The following CR1L variants were observed in gnomAD, a reference collection of about 807,000 sequenced individuals.
CR1L encodes complement C3b/C4b receptor 1 like, also known as complement component receptor 1-like protein.
CR1L carries 59 observed loss-of-function variants against 62.3 expected under a neutral mutation model. The observed-to-expected ratio is 0.95, with a 90% CI of 0.77 to 1.18. The LOEUF (loss-of-function observed/expected upper bound fraction) is 1.18, where lower values mean the gene tolerates loss of function less well. Ranked by LOEUF, CR1L falls within the 50% of genes most tolerant of loss-of-function variation. CR1L has a pLI of 0.00. For missense variants in CR1L, 700 were observed against 702.8 expected, an observed-to-expected ratio of 1.00 and a Z score of 0.04; for synonymous variants, 279 against 248.7, an observed-to-expected ratio of 1.12 and a Z score of -1.15.
intron 11 of CR1L, among the ~76,000 whole-genome samples, chr1:207,721,269 G>C (rs1052932421): frequency 3.3e-5 from 5 of 151,746 alleles, no homozygotes; most frequent in African/African-American, 1.2e-4. Context: ...GTATACATGT[G>C]CCATGCTGGT....
At chr1:207,683,023 T>TTTCTCTTTCTTTCC (rs1663828763) in intron 3 of CR1L, among the ~76,000 whole-genome samples, 1 of 121,386 alleles carries the variant, frequency 8.2e-6, no homozygotes, top group Non-Finnish European at 1.9e-5. Flanking sequence ...TCTTTCTTTC[T>TTTCTCTTTCTTTCC]TTCCTTCCTT....
At chr1:207,698,801 A>T (rs371614060) in intron 7 of CR1L, among the ~76,000 whole-genome samples, 4 of 152,186 alleles carry the variant, frequency 2.6e-5, no homozygotes, top group South Asian at 2.1e-4. Flanking sequence ...TTCCCACTTT[A>T]CCACTCCAAA....
intron 1 of CR1L, among the ~76,000 whole-genome samples, chr1:207,657,601 A>T (rs1173333147): frequency 6.6e-6 from 1 of 152,216 alleles, no homozygotes; most frequent in Non-Finnish European, 1.5e-5. Context: ...AAAAATAATA[A>T]ATCAACAAAC....
chr1:207,675,332 G>A (rs1663674158), intron 1 of CR1L, among the ~76,000 whole-genome samples: 1 of 152,188 alleles, frequency 6.6e-6, no homozygotes, highest in African/African-American at 2.4e-5. Context: ...GTCAGGGAAG[G>A]CATCAGACTA....
intron 1 of CR1L, among the ~76,000 whole-genome samples, chr1:207,657,613 C>T (rs1426458799): frequency 1.3e-5 from 2 of 152,106 alleles, no homozygotes; most frequent in Admixed American, 6.6e-5. Flanking sequence ...TCAACAAACA[C>T]TGGCTTAAAA....
At chr1:207,707,734 A>G (rs1664289631) in intron 9 of CR1L, among the ~76,000 whole-genome samples, 1 of 151,832 alleles carries the variant, frequency 6.6e-6, no homozygotes, top group Non-Finnish European at 1.5e-5. Flanking sequence ...GATCAAAAGC[A>G]ACAAATCTTG....
At chr1:207,674,347 A>G (rs562082307) in intron 1 of CR1L, among the ~76,000 whole-genome samples, 1 of 152,312 alleles carries the variant, frequency 6.6e-6, no homozygotes, top group African/African-American at 2.4e-5. Flanking sequence ...ATTTTATGTA[A>G]TACATCTTAA....
intron 9 of CR1L, among the ~76,000 whole-genome samples, chr1:207,703,349 T>C (rs1664221266): frequency 6.6e-6 from 1 of 152,210 alleles, no homozygotes; most frequent in Admixed American, 6.5e-5. Context: ...TCACTGACCA[T>C]TCTAAAAGCC....
chr1:207,665,013 C>T (rs931435832), intron 1 of CR1L, among the ~76,000 whole-genome samples: 1 of 152,172 alleles, frequency 6.6e-6, no homozygotes, highest in East Asian at 1.9e-4. Flanking sequence ...TACTTGTTAT[C>T]TTCTAGGATT....
intron 4 of CR1L, among the ~76,000 whole-genome samples, chr1:207,688,741 T>C (rs1663950893): frequency 1.3e-5 from 2 of 152,196 alleles, no homozygotes; most frequent in Admixed American, 6.5e-5. Flanking sequence ...AAGTCTTCTT[T>C]AATTTCTTTT....
chr1:207,719,050 T>C (rs938677634), intron 11 of CR1L, among the ~76,000 whole-genome samples: 4 of 137,596 alleles, frequency 2.9e-5, no homozygotes, highest in Non-Finnish European at 3.1e-5. Context: ...TAGGTGGGAA[T>C]TGAACAATGA....
intron 1 of CR1L, among the ~76,000 whole-genome samples, chr1:207,666,753 T>C (rs1032755592): frequency 3.3e-5 from 5 of 152,158 alleles, no homozygotes; most frequent in African/African-American, 1.2e-4. Context: ...CTAATGGTAC[T>C]AGGCTTAATA....
At chr1:207,712,667 C>G (rs1261144988) in intron 10 of CR1L, among the ~76,000 whole-genome samples, 1 of 152,204 alleles carries the variant, frequency 6.6e-6, no homozygotes, top group East Asian at 1.9e-4. Flanking sequence ...CTGCATGCCC[C>G]AGGGAGACTG....
chr1:207,691,529 C>G (rs1394444657), intron 4 of CR1L, among the ~76,000 whole-genome samples: 5 of 151,972 alleles, frequency 3.3e-5, no homozygotes, highest in African/African-American at 4.8e-5. Flanking sequence ...ACTGATAAGT[C>G]TAACTCTTGG....
At chr1:207,676,415 C>T (rs1663694073) in intron 1 of CR1L, among the ~76,000 whole-genome samples, 1 of 152,130 alleles carries the variant, frequency 6.6e-6, no homozygotes, top group Non-Finnish European at 1.5e-5. Context: ...CCTGTCAGAT[C>T]ACTGGCAGCA....
chr1:207,675,781 G>A (rs899756781), intron 1 of CR1L, among the ~76,000 whole-genome samples: 1 of 152,166 alleles, frequency 6.6e-6, no homozygotes, highest in Admixed American at 6.5e-5. Context: ...ATTACATACT[G>A]TTTGACTCTG....
At chr1:207,657,130 G>A (rs1473425425) in intron 1 of CR1L, 1 of 752,946 alleles carries the variant, frequency 1.3e-6, no homozygotes, top group Admixed American at 2.0e-5. Context: ...AAGAGATTTT[G>A]TGCACATGAC....
At chr1:207,686,549 T>C (rs569064348) in intron 4 of CR1L, among the ~76,000 whole-genome samples, 16 of 152,310 alleles carry the variant, frequency 1.1e-4, no homozygotes, top group South Asian at 6.2e-4. Context: ...GCAAATAATT[T>C]TGAATTTCAA....
intron 1 of CR1L, among the ~76,000 whole-genome samples, chr1:207,671,781 C>T (rs1663618657): frequency 6.6e-6 from 1 of 150,536 alleles, no homozygotes; most frequent in South Asian, 2.1e-4. Flanking sequence ...ATTAGCTGGG[C>T]ATGATGGTGG....
Sources: allele counts gnomAD v4.1 joint callset (sites outside exome capture counted in the v4.1 genomes callset), GRCh38; gene constraint gnomAD v4.1.1; transcripts MANE v1.5; gene names NCBI Gene and HGNC (gene_info 2026-07-23, HGNC 2026-07-21).